The following BORCS5 variants were observed in gnomAD, a reference collection of about 807,000 sequenced individuals.
The protein encoded by BORCS5 is BLOC-1-related complex subunit 5.
A neutral mutation model predicts 22.1 loss-of-function variants in BORCS5; 17 were observed. The observed-to-expected ratio is 0.77, with a 90% CI of 0.53 to 1.15. BORCS5 has a LOEUF of 1.15. Among genes scored for constraint, BORCS5 ranks in the 50% most tolerant of loss-of-function variants. The pLI, the probability that BORCS5 is intolerant of heterozygous loss-of-function variation, is 0.00. For missense variants in BORCS5, 247 were observed against 253.2 expected (o/e 0.98, Z 0.17); for synonymous variants, 117 against 99.8 (o/e 1.17, Z -1.03).
intron 3 of BORCS5, among the ~76,000 whole-genome samples, chr12:12,450,158 G>T (rs959844518): frequency 2.0e-5 from 3 of 152,226 alleles, no homozygotes; most frequent in Non-Finnish European, 4.4e-5. Context: ...AGGTGTGGTG[G>T]CCCTTGGAAT....
chr12:12,450,688 A>C (rs1479678258), intron 3 of BORCS5, among the ~76,000 whole-genome samples: 1 of 152,218 alleles, frequency 6.6e-6, no homozygotes, highest in Non-Finnish European at 1.5e-5. Flanking sequence ...CTTTAGAAAA[A>C]ATAGGCAAAA....
chr12:12,415,879 T>C (rs1328487387), intron 2 of BORCS5, among the ~76,000 whole-genome samples: 2 of 152,182 alleles, frequency 1.3e-5, no homozygotes, highest in African/African-American at 4.8e-5. Flanking sequence ...TTCAATTTTT[T>C]GGGAAAGTCT....
intron 2 of BORCS5, among the ~76,000 whole-genome samples, chr12:12,395,506 C>T (rs535007030): frequency 6.3e-5 from 9 of 142,666 alleles, no homozygotes; most frequent in East Asian, 4.1e-4. Flanking sequence ...AGGCTGATCT[C>T]GAACTCCCGA....
At chr12:12,434,300 AAAAAG>A (rs1339289312) in intron 2 of BORCS5, among the ~76,000 whole-genome samples, 5 of 151,562 alleles carry the variant, frequency 3.3e-5, no homozygotes, top group African/African-American at 4.8e-5. Flanking sequence ...AAAAAAAAAA[AAAAAG>A]CTTTGCTGTG....
intron 2 of BORCS5, among the ~76,000 whole-genome samples, chr12:12,418,595 G>A (rs1257600782): frequency 6.6e-6 from 1 of 152,204 alleles, no homozygotes; most frequent in Non-Finnish European, 1.5e-5. Flanking sequence ...TCTAAGGCAG[G>A]AGGATTGTTT....
intron 3 of BORCS5, among the ~76,000 whole-genome samples, chr12:12,448,784 C>T (rs867129486): frequency 6.6e-6 from 1 of 152,276 alleles, no homozygotes; most frequent in Middle Eastern, 3.4e-3. Context: ...GCCTCAGACT[C>T]CCAAAGTGCT....
In BORCS5 at chr12:12,467,582, G is replaced by C. The variant is rs1452145248; in HGVS notation, c.*1806G>C. On this transcript the variant is annotated 3_prime_UTR_variant, in exon 4 of 4. Coordinates refer to ENST00000314565, the MANE Select transcript of BORCS5 (RefSeq NM_058169.6). ...TAGGTGATAGGCTACTTATTACTGGGTGGAAGCGGAGAAGTATGGCAGAAG... is the reference window on the plus strand; with the variant it reads ...TAGGTGATAGGCTACTTATTACTGGCTGGAAGCGGAGAAGTATGGCAGAAG... 6.6e-6 allele frequency: 1 copy of C among 152,222 alleles called. No individual in the cohort carries two copies. Among genetic ancestry groups the C allele is most frequent in the Non-Finnish European group, 1.5e-5 (1 of 68,042 alleles). 9.4% of individuals were successfully genotyped at this position (152,222 alleles called of 1,614,324 possible). A position where few individuals can be genotyped will look rare whatever the true frequency, so the allele number is the denominator to read the frequency against.
intron 3 of BORCS5, among the ~76,000 whole-genome samples, chr12:12,447,223 C>T (rs1331938488): frequency 6.6e-6 from 1 of 152,212 alleles, no homozygotes; most frequent in Admixed American, 6.5e-5. Flanking sequence ...AATGTCCAGC[C>T]TCCACTCCTG....
At chr12:12,410,138 A>G (rs1277530485) in intron 2 of BORCS5, among the ~76,000 whole-genome samples, 75 of 152,282 alleles carry the variant, frequency 4.9e-4, no homozygotes, top group African/African-American at 1.6e-3. Context: ...CCTTTGTCAG[A>G]TGAGTAGGTT....
chr12:12,389,343 G>T (rs1336488456), intron 2 of BORCS5, among the ~76,000 whole-genome samples: 1 of 150,710 alleles, frequency 6.6e-6, no homozygotes, highest in African/African-American at 2.4e-5. Context: ...TCTCCATGTT[G>T]GCTAGGCTGG....
intron 2 of BORCS5, among the ~76,000 whole-genome samples, chr12:12,419,069 A>C (rs1319171921): frequency 6.6e-6 from 1 of 151,896 alleles, no homozygotes; most frequent in African/African-American, 2.4e-5. Flanking sequence ...TTATACTTTA[A>C]GTTCTAGGGT....
At chr12:12,452,021 A>G (rs1942920773) in intron 3 of BORCS5, 1 of 343,288 alleles carries the variant, frequency 2.9e-6, no homozygotes, top group Middle Eastern at 1.1e-3. Flanking sequence ...CAAGAGCAAA[A>G]CTTGACTGTC....
chr12:12,361,527 C>G (rs1457654372), intron 2 of BORCS5, among the ~76,000 whole-genome samples, 178 bp downstream of exon 2: 1 of 152,174 alleles, frequency 6.6e-6, no homozygotes, highest in Non-Finnish European at 1.5e-5. Flanking sequence ...GCCCCTTTGC[C>G]TACCTGTTTT....
Position 12,465,485 on chromosome 12 carries a change from C to T in BORCS5, c.361-61C>T, listed in dbSNP as rs866587216. ...CTGTGTCCCTCACAGGCTGGACACC[C>T]GGCCCTGCGGAGAGGACTTGATTAA... is the stretch of plus-strand genomic sequence containing the variant. On this transcript the variant is annotated intron_variant, in intron 3 of 3. Transcript: ENST00000314565. 2.1e-4 allele frequency: 310 copies of T among 1,445,710 alleles called. 7 individuals are homozygous for T. In the South Asian group the frequency reaches 2.7e-3, roughly 13 times the overall value. The allele number at this position is 1,445,710 out of a possible 1,614,324, so 89.6% of individuals were successfully genotyped here.
At chr12:12,424,344 C>T (rs758125322) in intron 2 of BORCS5, among the ~76,000 whole-genome samples, 11 of 152,154 alleles carry the variant, frequency 7.2e-5, no homozygotes, top group African/African-American at 1.7e-4. Flanking sequence ...TTGAATTTTT[C>T]GTATCAGTTA....
intron 3 of BORCS5, among the ~76,000 whole-genome samples, chr12:12,449,312 A>G (rs1411901903): frequency 6.6e-6 from 1 of 152,184 alleles, no homozygotes; most frequent in Non-Finnish European, 1.5e-5. Flanking sequence ...GCTGTCTTTC[A>G]TGGGACCCGA....
chr12:12,408,039 ATT>A (rs1262000765), intron 2 of BORCS5, among the ~76,000 whole-genome samples: 1 of 152,142 alleles, frequency 6.6e-6, no homozygotes, highest in Non-Finnish European at 1.5e-5. Flanking sequence ...TTTCTTGTAA[ATT>A]GAATCATACA....
chr12:12,399,592 A>G (rs568828905), intron 2 of BORCS5, among the ~76,000 whole-genome samples: 4 of 152,380 alleles, frequency 2.6e-5, no homozygotes, highest in East Asian at 1.9e-4. Flanking sequence ...TAAGCTTACA[A>G]TGTTGGCATT....
intron 2 of BORCS5, among the ~76,000 whole-genome samples, chr12:12,377,479 A>C (rs953975390): frequency 1.4e-4 from 21 of 151,956 alleles, no homozygotes; most frequent in African/African-American, 4.1e-4. Context: ...ATGCCCAGCC[A>C]AGAGTTGGGA....
Sources: allele counts gnomAD v4.1 joint callset (sites outside exome capture counted in the v4.1 genomes callset), GRCh38; gene constraint gnomAD v4.1.1; transcripts MANE v1.5; gene names NCBI Gene and HGNC (gene_info 2026-07-23, HGNC 2026-07-21).